CYGB: variants seen among roughly 807,000 people sequenced by gnomAD.
CYGB encodes histoglobin.
A neutral mutation model predicts 20.7 loss-of-function variants in CYGB; 13 were observed. The observed-to-expected ratio is 0.63, with a 90% CI of 0.41 to 1.00. CYGB has a LOEUF of 1.00. CYGB is among the 50% of genes least tolerant of loss of function. The pLI is 0.00. For missense variants in CYGB, 218 were observed against 257.2 expected, an observed-to-expected ratio of 0.85 and a Z score of 1.04; for synonymous variants, 93 against 107.4, an observed-to-expected ratio of 0.87 and a Z score of 0.83.
chr17:76,547,320 C>G (rs2075061423), intron 1 of CYGB: 1 of 152,512 alleles, frequency 6.6e-6, no homozygotes, highest in Admixed American at 6.5e-5. Flanking sequence ...GGGCAGGGCC[C>G]TGGGGAGAGG....
rs973919671 is a variant in CYGB, at chr17:76,529,637, G to C, written c.540-1026C>G. On this transcript the variant is annotated intron_variant, in intron 3 of 3. Transcript: ENST00000293230. ...TCATCTTTGGCAGCAGAGCCTGCGT[G>C]GGGAGAGGGGTGGGAGGGCAGGCAA... 1.4e-5 allele frequency: 14 copies of C among 985,332 alleles called. No individual in the cohort carries two copies. The African/African-American group carries it at 2.4e-4, about 17-fold the overall frequency. The allele number at this position is 985,332 out of a possible 1,614,324, so 61.0% of individuals were successfully genotyped here. A position where few individuals can be genotyped will look rare whatever the true frequency, so the allele number is the denominator to read the frequency against.
Position 76,531,286 on chromosome 17 carries a change from C to T in CYGB, c.376-144G>A. The T allele has an allele frequency of 1.6e-6, 2 of 1,217,910 alleles. No homozygotes were observed. The highest frequency in any genetic ancestry group is 2.3e-6 in the Non-Finnish European group (2 of 873,964). 75.4% of individuals were successfully genotyped at this position (1,217,910 alleles called of 1,614,324 possible). ...CTTTGGGAACCCCGTGCTCTCAGGA[C>T]AAGGGTTGCCCTGGACCCAGCCCCT... On this transcript the variant is annotated intron_variant, in intron 2 of 3. Transcript: ENST00000293230. This position sits in a 1 kb window ranked among gnomAD's most constrained non-coding sequence, Gnocchi z 7.4.
rs941682942 is a variant in CYGB at position 76,528,747 on chromosome 17, C to T, written c.540-136G>A. The T allele has an allele frequency of 4.6e-5, 48 of 1,039,168 alleles. No individual in the cohort carries two copies. The highest frequency in any genetic ancestry group is 2.8e-4 in the African/African-American group (17 of 60,448). 64.4% of individuals were successfully genotyped at this position (1,039,168 alleles called of 1,614,324 possible). On this transcript the variant is annotated intron_variant, in intron 3 of 3. Transcript: ENST00000293230. The surrounding 1 kb of genome is among the most constrained non-coding windows in gnomAD (Gnocchi z 5.8). ...CCGGCACAGTGCAGTTGAAAGCAACCGTGAGACCCAAGTTCTAGTCTCCGT... is the reference window on the plus strand; with the variant it reads ...CCGGCACAGTGCAGTTGAAAGCAACTGTGAGACCCAAGTTCTAGTCTCCGT...
At chr17:76,529,777 G>A (rs1468904965) in intron 3 of CYGB, 1 of 985,346 alleles carries the variant, frequency 1.0e-6, no homozygotes, top group Non-Finnish European at 1.2e-6. Context: ...CCTCTGGTGG[G>A]CCAACATCTG....
At chr17:76,534,632 T>C (rs1236058801) in intron 1 of CYGB, among the ~76,000 whole-genome samples, 4 of 152,220 alleles carry the variant, frequency 2.6e-5, no homozygotes, top group African/African-American at 4.8e-5. Flanking sequence ...CCCCATCCTA[T>C]GAATTAGGAA....
At chr17:76,539,298 C>A (rs1024055522), upstream of CYGB, among the ~76,000 whole-genome samples, 7 of 151,736 alleles carry the variant, frequency 4.6e-5, no homozygotes, top group Non-Finnish European at 8.8e-5. Context: ...TAGGAGAAAT[C>A]GTGTAACTAT....
rs1377372688 is a variant in CYGB, at chr17:76,533,593, C to T, written c.144-1902G>A. ...AAAAAATTAGCCAGGTGTGGTGGCA[C>T]ACACCTTTGATTCCAGCTACTCAGG... On this transcript the variant is annotated intron_variant, in intron 1 of 3. Transcript: ENST00000293230. The surrounding 1 kb of genome is among the most constrained non-coding windows in gnomAD (Gnocchi z 4.5). Among the ~76,000 whole-genome samples, 1 of 151,842 alleles carries T rather than the reference C, an allele frequency of 6.6e-6. No homozygotes were observed. Among genetic ancestry groups the T allele is most frequent in the African/African-American group, 2.4e-5 (1 of 41,272 alleles).
upstream of CYGB, chr17:76,542,483 G>A: frequency 6.4e-7 from 1 of 1,571,538 alleles, no homozygotes; most frequent in East Asian, 2.2e-5. Flanking sequence ...GGAGGAGGAG[G>A]AAGAGGAGAG....
At chr17:76,540,204 C>T (rs1409634962), upstream of CYGB, 3 of 1,599,454 alleles carry the variant, frequency 1.9e-6, no homozygotes, top group African/African-American at 2.7e-5. The surrounding 1 kb of genome is among the most constrained non-coding windows in gnomAD (Gnocchi z 5.0). Flanking sequence ...GATTTGCCAA[C>T]CGAGTCCAAC....
intron 1 of CYGB, among the ~76,000 whole-genome samples, chr17:76,536,104 T>C (rs2074910671): frequency 6.6e-6 from 1 of 152,216 alleles, no homozygotes; most frequent in Non-Finnish European, 1.5e-5. Context: ...AGTATCCCAA[T>C]GTCCCTCTTA....
chr17:76,534,168 CTCTCTCTCTT>C (rs1181327739), intron 1 of CYGB, among the ~76,000 whole-genome samples: 18 of 146,660 alleles, frequency 1.2e-4, no homozygotes, highest in African/African-American at 3.1e-4. Flanking sequence ...CTCTCTCTCT[CTCTCTCTCTT>C]TCTTTCTTTC....
intron 1 of CYGB, chr17:76,543,749 T>C: frequency 4.3e-6 from 2 of 469,732 alleles, no homozygotes; most frequent in Non-Finnish European, 8.8e-6. Flanking sequence ...TCCGAGGTGC[T>C]GGTGTCGGTT....
upstream of CYGB, chr17:76,542,653 C>T (rs780098653): frequency 7.9e-5 from 121 of 1,533,360 alleles, no homozygotes; most frequent in African/African-American, 2.3e-4. Flanking sequence ...GGCTGGGAGC[C>T]GGGGAGGGCA....
chr17:76,529,057 C>T, intron 3 of CYGB: 1 of 481,510 alleles, frequency 2.1e-6, no homozygotes, highest in Non-Finnish European at 2.7e-6. Context: ...CCCCCCCCAC[C>T]CCCCACCCAC....
chr17:76,528,658 GA>G lies in CYGB; in HGVS notation c.540-48del. ...AAGGACAAACGTTACCAGAGGCAGG[GA>G]AGGACCCTCGGGGGAAAGGGGGAGG... On this transcript the variant is annotated intron_variant, in intron 3 of 3. Coordinates refer to ENST00000293230, the MANE Select transcript of CYGB (RefSeq NM_134268.5). This position sits in a 1 kb window ranked among gnomAD's most constrained non-coding sequence, Gnocchi z 5.8. 1 of 1,257,238 alleles carries G rather than the reference GA, an allele frequency of 8.0e-7. No individual in the cohort carries two copies. Among genetic ancestry groups the G allele is most frequent in the Non-Finnish European group, 1.0e-6 (1 of 992,028 alleles). 77.9% of individuals were successfully genotyped at this position (1,257,238 alleles called of 1,614,324 possible). A position where few individuals can be genotyped will look rare whatever the true frequency, so the allele number is the denominator to read the frequency against.
At chr17:76,545,072 T>TAGA (rs1182333865) in intron 1 of CYGB, 1 of 451,824 alleles carries the variant, frequency 2.2e-6, no homozygotes, top group Admixed American at 2.4e-5. Flanking sequence ...GGGGGCTGTC[T>TAGA]CCCCCAGGGA....
In CYGB at chr17:76,527,606, G is replaced by A. The variant is rs1280327277; in HGVS notation, c.*972C>T. On this transcript the variant is annotated 3_prime_UTR_variant, in exon 4 of 4. Transcript: ENST00000293230. Reference sequence around the variant, plus strand: ...GATGAATAGACAGGGCCGACTGCCGGCCAGGAGGAGGGTGGGGTGGGGAAA... The same window carrying A: ...GATGAATAGACAGGGCCGACTGCCGACCAGGAGGAGGGTGGGGTGGGGAAA... 2 of 453,190 alleles carry A rather than the reference G, an allele frequency of 4.4e-6. No homozygotes were observed. Among genetic ancestry groups the A allele is most frequent in the Non-Finnish European group, 8.9e-6 (2 of 225,914 alleles). 28.1% of individuals were successfully genotyped at this position (453,190 alleles called of 1,614,324 possible). A position where few individuals can be genotyped will look rare whatever the true frequency, so the allele number is the denominator to read the frequency against.
rs555831661 is a variant in CYGB, at chr17:76,527,420, A to G, written c.*1158T>C. The G allele has an allele frequency of 1.1e-5, 4 of 363,238 alleles. No individual in the cohort carries two copies. The highest frequency in any genetic ancestry group is 8.5e-5 in the African/African-American group (4 of 46,862). 22.5% of individuals were successfully genotyped at this position (363,238 alleles called of 1,614,324 possible). On this transcript the variant is annotated 3_prime_UTR_variant, in exon 4 of 4. Transcript: ENST00000293230. Reference sequence around the variant, plus strand: ...TGGTTACAAACATCAGAAACTAGAAAAGGAGGACGGGCGGTTGCACAGATG... The same window carrying G: ...TGGTTACAAACATCAGAAACTAGAAGAGGAGGACGGGCGGTTGCACAGATG...
chr17:76,548,820 G>T (rs1163050650), intron 1 of CYGB, among the ~76,000 whole-genome samples: 1 of 152,198 alleles, frequency 6.6e-6, no homozygotes, highest in Non-Finnish European at 1.5e-5. Context: ...AGAAAACTGG[G>T]CAAGATATAA....
Sources: gnomAD v4.1 joint callset for allele counts (sites outside exome capture counted in the v4.1 genomes callset) on GRCh38, gnomAD v4.1.1 for gene constraint, Gnocchi (gnomAD v3.1) non-coding constraint, MANE v1.5 for transcripts, NCBI Gene and HGNC (gene_info 2026-07-23, HGNC 2026-07-21) for gene names.